Variants in MAN2A1 observed in about 807,000 individuals in gnomAD.
MAN2A1 encodes the protein alpha-mannosidase 2.
MAN2A1 carries 76 observed loss-of-function variants against 142.6 expected under a neutral mutation model. The ratio of observed to expected loss-of-function variants is 0.53; its 90% confidence interval spans 0.44 to 0.65. The LOEUF is 0.65. Among genes scored for constraint, MAN2A1 ranks in the 30% least tolerant of loss-of-function variants. The probability of loss-of-function intolerance (pLI) is 0.00; values close to 1 mark genes in which losing one functional copy is unlikely to be tolerated. For synonymous variants in MAN2A1, 559 were observed against 473.2 expected (o/e 1.18, Z -2.35); for missense variants, 1,311 against 1,365.1 (o/e 0.96, Z 0.62).
chr5:109,861,155 C>A (rs1371523105), intron 20 of MAN2A1, among the ~76,000 whole-genome samples: 1 of 152,090 alleles, frequency 6.6e-6, no homozygotes, highest in Non-Finnish European at 1.5e-5. Flanking sequence ...TCAGGCTACT[C>A]CTTAGTAACA....
chr5:109,766,799 A>C (rs1753004327), intron 5 of MAN2A1, among the ~76,000 whole-genome samples: 1 of 152,200 alleles, frequency 6.6e-6, no homozygotes, highest in Non-Finnish European at 1.5e-5. Context: ...TTATAATGCT[A>C]GATGAACAAT....
intron 15 of MAN2A1, 83 bp from the exon 16 acceptor site, chr5:109,823,640 T>C: frequency 1.4e-6 from 1 of 729,078 alleles, no homozygotes; most frequent in Non-Finnish European, 2.4e-6. Flanking sequence ...ACGTATTTTC[T>C]ATTTTTGAAA....
At chr5:109,761,795 A>C (rs1306076849) in intron 5 of MAN2A1, among the ~76,000 whole-genome samples, 1 of 152,038 alleles carries the variant, frequency 6.6e-6, no homozygotes, top group East Asian at 1.9e-4. Context: ...TATTGGAGGT[A>C]GATTTTTTGA....
chr5:109,818,602 T>C (rs114642782), intron 13 of MAN2A1, among the ~76,000 whole-genome samples: 2,825 of 152,274 alleles, frequency 0.019, 35 homozygotes, highest in Middle Eastern at 0.071. Flanking sequence ...GTTTAATATT[T>C]ATATTATGTT....
At chr5:109,781,686 C>A (rs1409158055) in intron 9 of MAN2A1, 88 bp downstream of exon 9, 3 of 818,862 alleles carry the variant, frequency 3.7e-6, no homozygotes, top group Non-Finnish European at 5.5e-6. Context: ...ATACATCATT[C>A]ATGTAGTACA....
intron 12 of MAN2A1, among the ~76,000 whole-genome samples, chr5:109,805,699 G>A (rs1423410378): frequency 1.3e-5 from 2 of 152,092 alleles, no homozygotes; most frequent in African/African-American, 2.4e-5. Context: ...TATATTTGGC[G>A]GGTATTAATA....
intron 4 of MAN2A1, among the ~76,000 whole-genome samples, chr5:109,749,631 A>G (rs1323854266): frequency 6.6e-6 from 1 of 152,114 alleles, no homozygotes; most frequent in Non-Finnish European, 1.5e-5. Flanking sequence ...CATGTTTATT[A>G]GGAAATATCA....
intron 6 of MAN2A1, among the ~76,000 whole-genome samples, chr5:109,770,151 A>G (rs1361857083): frequency 1.3e-5 from 2 of 152,152 alleles, no homozygotes; most frequent in African/African-American, 4.8e-5. Flanking sequence ...GAAGAGGTAG[A>G]TAGAGACTGA....
intron 12 of MAN2A1, among the ~76,000 whole-genome samples, chr5:109,790,497 T>C (rs886450172): frequency 6.6e-6 from 1 of 151,980 alleles, no homozygotes; most frequent in Non-Finnish European, 1.5e-5. Flanking sequence ...GTAATACTAA[T>C]GTTCTCTGTA....
At chr5:109,816,244 TA>T (rs201777697) in intron 12 of MAN2A1, among the ~76,000 whole-genome samples, 2,815 of 152,294 alleles carry the variant, frequency 0.018, 34 homozygotes, top group Middle Eastern at 0.071. Flanking sequence ...AGTTTACTAA[TA>T]AAACCATCAT....
intron 20 of MAN2A1, among the ~76,000 whole-genome samples, chr5:109,861,577 C>A (rs1346797986): frequency 6.6e-6 from 1 of 152,180 alleles, no homozygotes; most frequent in Non-Finnish European, 1.5e-5. Context: ...TTATTTAAAG[C>A]TCTCACAACA....
At chr5:109,780,812 T>G (rs1753436379) in intron 8 of MAN2A1, among the ~76,000 whole-genome samples, 1 of 152,162 alleles carries the variant, frequency 6.6e-6, no homozygotes, top group Admixed American at 6.5e-5. Flanking sequence ...GGATTTAACT[T>G]CTACTCAGTG....
At chr5:109,865,174 C>G (rs1437159124) in intron 21 of MAN2A1, 28 bp downstream of exon 21, 1 of 1,498,290 alleles carries the variant, frequency 6.7e-7, no homozygotes, top group South Asian at 1.1e-5. Context: ...TTTTTGCTTA[C>G]TGTTAGTGTG....
At chr5:109,740,000 A>G (rs1298525834) in intron 4 of MAN2A1, among the ~76,000 whole-genome samples, 1 of 152,190 alleles carries the variant, frequency 6.6e-6, no homozygotes, top group Non-Finnish European at 1.5e-5. Flanking sequence ...TGCATTTGCA[A>G]GACTCTTCCT....
At chr5:109,810,577 T>G (rs900869306) in intron 12 of MAN2A1, among the ~76,000 whole-genome samples, 16 of 152,202 alleles carry the variant, frequency 1.1e-4, no homozygotes, top group African/African-American at 3.9e-4. Flanking sequence ...ACTGTGTACC[T>G]GAAGCCTCCC....
intron 1 of MAN2A1, among the ~76,000 whole-genome samples, chr5:109,691,925 T>C (rs75274984): frequency 0.055 from 8,441 of 152,294 alleles, 273 homozygotes; most frequent in Non-Finnish European, 0.076. Flanking sequence ...AAGCTTAGCT[T>C]GATATGTTGT....
chr5:109,734,123 C>T (rs1362191676), intron 4 of MAN2A1, among the ~76,000 whole-genome samples: 1 of 152,030 alleles, frequency 6.6e-6, no homozygotes, highest in Non-Finnish European at 1.5e-5. Flanking sequence ...TTATCCATTT[C>T]TTCTAGATTT....
chr5:109,733,984 T>A (rs1226394873), intron 4 of MAN2A1, among the ~76,000 whole-genome samples: 35 of 152,282 alleles, frequency 2.3e-4, no homozygotes, highest in Middle Eastern at 3.4e-3. Flanking sequence ...TGTGAATCCA[T>A]CTGGTCCTGG....
chr5:109,855,608 A>G (rs1755587051), intron 20 of MAN2A1, among the ~76,000 whole-genome samples: 1 of 152,164 alleles, frequency 6.6e-6, no homozygotes, highest in Admixed American at 6.5e-5. Context: ...TAAGTTTAGC[A>G]CTAGTGACTT....
Sources: allele counts gnomAD v4.1 joint callset (sites outside exome capture counted in the v4.1 genomes callset), GRCh38; gene constraint gnomAD v4.1.1; transcripts MANE v1.5; gene names NCBI Gene and HGNC (gene_info 2026-07-23, HGNC 2026-07-21).